The following LPAR6 variants were observed in gnomAD, a reference collection of about 807,000 sequenced individuals.
The protein encoded by LPAR6 is lysophosphatidic acid receptor 6, also known as G-protein coupled purinergic receptor P2Y5.
LPAR6 carries 17 observed loss-of-function variants against 22.0 expected under a neutral mutation model. That is an observed-to-expected ratio of 0.77 (90% CI 0.53 to 1.16). LPAR6 has a LOEUF of 1.16. Among genes scored for constraint, LPAR6 ranks in the 50% most tolerant of loss-of-function variants. LPAR6 has a pLI of 0.00. For synonymous variants in LPAR6, 136 were observed against 139.8 expected, an observed-to-expected ratio of 0.97 and a Z score of 0.19; for missense variants, 384 against 406.9, an observed-to-expected ratio of 0.94 and a Z score of 0.48.
chr13:48,442,050 T>A (rs1949242130), intron 1 of LPAR6, among the ~76,000 whole-genome samples: 1 of 152,196 alleles, frequency 6.6e-6, no homozygotes, highest in Non-Finnish European at 1.5e-5. Context: ...CGTAACCCAC[T>A]CCTTCTACAT....
At chr13:48,405,117 C>T (rs537098909) in intron 1 of LPAR6, among the ~76,000 whole-genome samples, 1 of 152,084 alleles carries the variant, frequency 6.6e-6, no homozygotes, top group Admixed American at 6.5e-5. Flanking sequence ...AATAAAAAAA[C>T]TGTCACACCA....
chr13:48,398,957 T>G (rs1287503272), intron 1 of LPAR6, among the ~76,000 whole-genome samples: 5 of 152,094 alleles, frequency 3.3e-5, no homozygotes, highest in African/African-American at 7.2e-5. Flanking sequence ...TGACTATTGG[T>G]CTGGCTTATT....
At chr13:48,391,186 G>A (rs2138159216) in intron 1 of LPAR6, among the ~76,000 whole-genome samples, 1 of 152,006 alleles carries the variant, frequency 6.6e-6, no homozygotes, top group Non-Finnish European at 1.5e-5. Context: ...TCTTTAAATA[G>A]TATTACACTA....
At chr13:48,434,979 A>G (rs1406140397) in intron 1 of LPAR6, among the ~76,000 whole-genome samples, 1 of 152,216 alleles carries the variant, frequency 6.6e-6, no homozygotes, top group Non-Finnish European at 1.5e-5. Context: ...GAAGAATATC[A>G]GGACAGGTTC....
At chr13:48,419,786 A>G (rs1458441720) in intron 2 of LPAR6, among the ~76,000 whole-genome samples, 1 of 152,254 alleles carries the variant, frequency 6.6e-6, no homozygotes. Context: ...TAGAAAATCT[A>G]GAAGAAATGG....
At chr13:48,393,182 T>A (rs911854893) in intron 1 of LPAR6, among the ~76,000 whole-genome samples, 31 of 152,224 alleles carry the variant, frequency 2.0e-4, no homozygotes, top group Non-Finnish European at 3.7e-4. Flanking sequence ...AGTAGTATCA[T>A]CACATCCATG....
intron 2 of LPAR6, among the ~76,000 whole-genome samples, chr13:48,420,249 C>T (rs185962968): frequency 4.6e-5 from 7 of 152,200 alleles, no homozygotes; most frequent in Admixed American, 2.6e-4. Flanking sequence ...AATCAATAAA[C>T]GTAATCCATC....
intron 1 of LPAR6, among the ~76,000 whole-genome samples, chr13:48,399,205 T>C (rs1364648944): frequency 1.3e-5 from 2 of 152,000 alleles, no homozygotes. Context: ...GACTGAAACA[T>C]TGGACCTGAG....
At position 48,412,017 on chromosome 13, in the gene LPAR6, A is replaced by T; in HGVS notation, c.407T>A (p.Val136Asp). The T allele has an allele frequency of 1.2e-6, 2 of 1,612,696 alleles. No homozygotes were observed. The highest frequency in any genetic ancestry group is 1.7e-6 in the Non-Finnish European group (2 of 1,179,296). Reference protein sequence around the residue: ...TLRTKRNAKIVCTGVWLTVIG... With the variant: ...TLRTKRNAKIDCTGVWLTVIG... Reference sequence around the variant, plus strand: ...CACAGTTAACCACACGCCAGTGCAAACAATCTTTGCATTTCTTTTGGTTCT... The same window carrying T: ...CACAGTTAACCACACGCCAGTGCAATCAATCTTTGCATTTCTTTTGGTTCT... Residue 136 changes from valine to aspartate, a missense_variant, in exon 1 of 1, where the codon GTT becomes GAT. Coordinates refer to ENST00000620633, the MANE Select transcript of LPAR6 (RefSeq NM_001162498.3).
chr13:48,393,373 A>G (rs528606215), intron 1 of LPAR6, among the ~76,000 whole-genome samples: 69 of 152,096 alleles, frequency 4.5e-4, no homozygotes, highest in Non-Finnish European at 8.5e-4. Context: ...CCAGTTTCTC[A>G]TCTCTGGACT....
upstream of LPAR6, among the ~76,000 whole-genome samples, chr13:48,428,680 T>C (rs1949100529): frequency 6.6e-6 from 1 of 152,266 alleles, no homozygotes; most frequent in African/African-American, 2.4e-5. Flanking sequence ...CATCCTTCTG[T>C]AGATTAAAAT....
intron 1 of LPAR6, among the ~76,000 whole-genome samples, chr13:48,402,518 C>G (rs1476297809): frequency 6.6e-6 from 1 of 151,776 alleles, no homozygotes; most frequent in African/African-American, 2.4e-5. Flanking sequence ...GATGTGACTA[C>G]AGGTGTGAGC....
At position 48,438,556 on chromosome 13, in the gene LPAR6, G is replaced by GT. The variant is rs776106522; in HGVS notation, c.-1474+5996dup. Among the ~76,000 whole-genome samples, 941 of 145,770 alleles carry GT rather than the reference G, an allele frequency of 6.5e-3. 3 individuals are homozygous for GT. The highest frequency in any genetic ancestry group is 0.01 in the African/African-American group (407 of 39,786). ...ATTGCTATTTTTTATTTACTTATCT[G>GT]TTTTTTTTTTCATTAGACTGTAAAC... On this transcript the variant is annotated intron_variant, in intron 1 of 6. Coordinates refer to the LPAR6 transcript ENST00000378434.
At position 48,419,551 on chromosome 13, in the gene LPAR6, G is replaced by A. The variant is rs116496982; in HGVS notation, c.-953-2231C>T. 1.0e-2 allele frequency among the ~76,000 whole-genome samples: 1,520 copies of A among 152,206 alleles called. 36 individuals carry two copies. The highest frequency in any genetic ancestry group is 0.035 in the African/African-American group (1,442 of 41,528). ...TAACCAAGGTCAGAGAAGAACTGAA[G>A]GAGAGAGAAACACGAAAAACCCTTC... On this transcript the variant is annotated intron_variant, in intron 2 of 4. Coordinates refer to the LPAR6 transcript ENST00000345941.
At chr13:48,419,833 A>G (rs1948977478) in intron 2 of LPAR6, among the ~76,000 whole-genome samples, 1 of 152,228 alleles carries the variant, frequency 6.6e-6, no homozygotes, top group African/African-American at 2.4e-5. Flanking sequence ...CCAAGAGTAA[A>G]CCAGGAAGAA....
At chr13:48,440,186 T>C (rs1215686312) in intron 1 of LPAR6, among the ~76,000 whole-genome samples, 2 of 152,178 alleles carry the variant, frequency 1.3e-5, no homozygotes, top group Admixed American at 6.5e-5. Context: ...CTCTGATATA[T>C]GCTGCCTCCC....
At chr13:48,422,184 G>T (rs558806547) in intron 2 of LPAR6, among the ~76,000 whole-genome samples, 2 of 152,316 alleles carry the variant, frequency 1.3e-5, no homozygotes, top group African/African-American at 4.8e-5. Flanking sequence ...ATACTATGCA[G>T]CCATGAACAA....
downstream of LPAR6, among the ~76,000 whole-genome samples, chr13:48,407,557 T>C (rs917037998): frequency 6.6e-6 from 1 of 152,136 alleles, no homozygotes; most frequent in African/African-American, 2.4e-5. Context: ...GAATTAGAGA[T>C]TTTAGGAGTT....
At chr13:48,435,785 G>A (rs1169452616) in intron 1 of LPAR6, among the ~76,000 whole-genome samples, 1 of 152,124 alleles carries the variant, frequency 6.6e-6, no homozygotes, top group Non-Finnish European at 1.5e-5. Flanking sequence ...TGGATGTTCA[G>A]TTGTTTCAGC....
Sources: gnomAD v4.1 joint callset for allele counts (sites outside exome capture counted in the v4.1 genomes callset) on GRCh38, gnomAD v4.1.1 for gene constraint, MANE v1.5 for transcripts, NCBI Gene and HGNC (gene_info 2026-07-23, HGNC 2026-07-21) for gene names.